ERO1A: variants seen among roughly 807,000 people sequenced by gnomAD.
ERO1A encodes ERO1-like protein alpha.
A neutral mutation model predicts 76.9 loss-of-function variants in ERO1A; 49 were observed. The ratio of observed to expected loss-of-function variants is 0.64; its 90% CI spans 0.51 to 0.81. The LOEUF (loss-of-function observed/expected upper bound fraction) is 0.81, where lower values mean the gene tolerates loss of function less well. ERO1A is among the 30% of genes least tolerant of loss of function. The probability of loss-of-function intolerance (pLI) is 0.00; values close to 1 mark genes in which losing one functional copy is unlikely to be tolerated. For missense variants in ERO1A, 448 were observed against 542.1 expected (o/e 0.83, Z 1.72); for synonymous variants, 174 against 181.2 (o/e 0.96, Z 0.32).
intron 11 of ERO1A, 42 bp from the exon 12 acceptor site, chr14:52,653,357 C>T (rs201280267): frequency 6.7e-7 from 1 of 1,498,410 alleles, no homozygotes; most frequent in Non-Finnish European, 9.0e-7. Flanking sequence ...CTGAATTTGA[C>T]AATTTTTACT....
At position 52,641,959 on chromosome 14, in the gene ERO1A, AGAAGTATACAGCAGTGTAAACT is replaced by A. The variant is rs1277329821; in HGVS notation, c.*1589_*1610del. ...TACCAGGCCTTAGGGACACAGAAGA[AGAAGTATACAGCAGTGTAAACT>A]GACATTTCTTAACCACTATATAAAT... On this transcript the variant is annotated 3_prime_UTR_variant, in exon 16 of 16. Coordinates refer to ENST00000395686, the MANE Select transcript of ERO1A (RefSeq NM_014584.3). The A allele has an allele frequency of 6.6e-6, 1 of 152,238 alleles. No homozygotes were observed. The highest frequency in any genetic ancestry group is 1.5e-5 in the Non-Finnish European group (1 of 68,044). 9.4% of individuals were successfully genotyped at this position (152,238 alleles called of 1,614,324 possible). A position where few individuals can be genotyped will look rare whatever the true frequency, so the allele number is the denominator to read the frequency against.
intron 11 of ERO1A, among the ~76,000 whole-genome samples, chr14:52,657,385 CTCAA>C (rs1020857943): frequency 2.6e-5 from 4 of 152,234 alleles, no homozygotes; most frequent in African/African-American, 9.6e-5. Flanking sequence ...GAGACCCTGT[CTCAA>C]TCAATCAAGC....
chr14:52,672,697 G>C (rs2040643655), intron 4 of ERO1A, among the ~76,000 whole-genome samples: 1 of 148,704 alleles, frequency 6.7e-6, no homozygotes, highest in South Asian at 2.1e-4. Context: ...TTGAGCCCAG[G>C]AGTTCGAGGT....
rs529206929 is a variant in ERO1A, at chr14:52,695,451, G to C, written c.31C>G (p.Leu11Val). The change falls in exon 1 of 16, where the codon CTC becomes GTC. Residue 11 changes from leucine to valine, a missense_variant. Transcript: ENST00000395686. ...CTGAGCAGCCACACGGCGCCCAGGA[G>C]GCCAAACAAGAATCCCCAGCCGCGG... is the stretch of plus-strand genomic sequence containing the variant. MGRGWGFLFG[L>V]LGAVWLLSSG... 3.9e-6 allele frequency: 6 copies of C among 1,546,570 alleles called. No individual in the cohort carries two copies. In the East Asian group the frequency reaches 1.3e-4, roughly 32 times the overall value.
intron 9 of ERO1A, among the ~76,000 whole-genome samples, chr14:52,659,323 A>G (rs1329907213): frequency 2.0e-5 from 3 of 152,196 alleles, no homozygotes; most frequent in East Asian, 3.8e-4. Flanking sequence ...ACATGACTCT[A>G]CCTATCAAGT....
chr14:52,680,753 A>G (rs1427989774), intron 3 of ERO1A, among the ~76,000 whole-genome samples: 1 of 152,236 alleles, frequency 6.6e-6, no homozygotes, highest in African/African-American at 2.4e-5. Context: ...AAGGTGTTTC[A>G]TAAATTAATC....
chr14:52,690,072 C>CA (rs1045842888), intron 1 of ERO1A, among the ~76,000 whole-genome samples: 9 of 151,814 alleles, frequency 5.9e-5, no homozygotes, highest in Non-Finnish European at 1.3e-4. Flanking sequence ...TATCCATGTG[C>CA]AAAAAAATGA....
intron 8 of ERO1A, among the ~76,000 whole-genome samples, chr14:52,661,995 A>G (rs1001288109): frequency 6.6e-6 from 1 of 152,012 alleles, no homozygotes; most frequent in African/African-American, 2.4e-5. Context: ...TTTAGTGAAT[A>G]TCTTTTTAGT....
intron 1 of ERO1A, among the ~76,000 whole-genome samples, chr14:52,690,069 G>A (rs949745461): frequency 2.6e-5 from 4 of 152,118 alleles, no homozygotes; most frequent in African/African-American, 9.7e-5. Context: ...GGATATCCAT[G>A]TGCAAAAAAA....
Position 52,657,958 on chromosome 14 carries a change from G to A in ERO1A, c.767C>T (p.Ala256Val). 1 of 1,612,448 alleles carries A rather than the reference G, an allele frequency of 6.2e-7. No individual in the cohort carries two copies. The highest frequency in any genetic ancestry group is 8.5e-7 in the Non-Finnish European group (1 of 1,179,316). The change falls in exon 11 of 16, where the codon GCA becomes GTA. Residue 256 changes from alanine (A) to valine (V), a missense_variant. Ala to Val is a moderately conservative substitution (Grantham distance 64). Around this residue, in one of 2 missense-constraint regions of ERO1A, gnomAD observed 302 missense variants for 411.9 expected, o/e 0.73. Transcript: ENST00000395686. ...AFYRLISGLH[A>V]SINVHLSARY... ...TGCACTCAAATGCACATTAATGCTT[G>A]CATGTAGGCCAGATATAAGTCTGTA...
At chr14:52,644,555 ATATT>A (rs2039579675) in intron 15 of ERO1A, among the ~76,000 whole-genome samples, 1 of 152,232 alleles carries the variant, frequency 6.6e-6, no homozygotes, top group African/African-American at 2.4e-5. Flanking sequence ...AAATAATACA[ATATT>A]TAGGTATAAG....
chr14:52,640,084 C>T lies in ERO1A; in HGVS notation c.*3486G>A, dbSNP rs1340801469. The T allele has an allele frequency of 2.0e-5, 3 of 152,212 alleles. No individual in the cohort carries two copies. Among genetic ancestry groups the T allele is most frequent in the Non-Finnish European group, 4.4e-5 (3 of 68,050 alleles). 9.4% of individuals were successfully genotyped at this position (152,212 alleles called of 1,614,324 possible). A position where few individuals can be genotyped will look rare whatever the true frequency, so the allele number is the denominator to read the frequency against. On this transcript the variant is annotated 3_prime_UTR_variant, in exon 16 of 16. Transcript: ENST00000395686. ...ATTTATTCAACAAACATTTATTAAA[C>T]ATTCATATGCCAAAAACTATGCTAT...
At chr14:52,679,763 T>G (rs946649200) in intron 3 of ERO1A, among the ~76,000 whole-genome samples, 1 of 152,144 alleles carries the variant, frequency 6.6e-6, no homozygotes, top group Middle Eastern at 3.4e-3. Context: ...AAAAAACAAG[T>G]ATTGCTGCCA....
At chr14:52,693,333 C>G (rs763674184) in intron 1 of ERO1A, among the ~76,000 whole-genome samples, 7 of 152,096 alleles carry the variant, frequency 4.6e-5, no homozygotes, top group South Asian at 2.1e-4. Flanking sequence ...ACTGGCCTAG[C>G]CTTCCAGCCT....
chr14:52,668,793 AT>A (rs1414677577), intron 6 of ERO1A, among the ~76,000 whole-genome samples: 1 of 148,266 alleles, frequency 6.7e-6, no homozygotes, highest in Non-Finnish European at 1.5e-5. Flanking sequence ...TATAATTATA[AT>A]TATACAATTA....
chr14:52,663,698 T>C, intron 8 of ERO1A, 103 bp downstream of exon 8: 1 of 703,502 alleles, frequency 1.4e-6, no homozygotes, highest in South Asian at 1.7e-5. Flanking sequence ...GACTGTGGAT[T>C]ATATGACTTC....
intron 3 of ERO1A, among the ~76,000 whole-genome samples, chr14:52,678,916 T>C (rs2040894738): frequency 6.6e-6 from 1 of 152,216 alleles, no homozygotes; most frequent in South Asian, 2.1e-4. Flanking sequence ...AGATCTCTCA[T>C]GAACCGCTTG....
In ERO1A at chr14:52,682,343, A is replaced by C. The variant is rs778168280; in HGVS notation, c.300T>G (p.Ala100=). The C allele has an allele frequency of 6.2e-7, 1 of 1,610,306 alleles. No homozygotes were observed. ...DISQCGRRDC[A]VKPCQSDEVP... is the part of the protein sequence containing the mutation. ...TTCTTACAGATTGACATGGTTTGAC[A>C]GCACAGTCCCTTCTTCCACACTGGC... Residue 100 remains alanine, a synonymous_variant, in exon 3 of 16, where the codon GCT becomes GCG. Coordinates refer to ENST00000395686, the MANE Select transcript of ERO1A (RefSeq NM_014584.3).
chr14:52,642,121 A>G lies in ERO1A; in HGVS notation c.*1449T>C, dbSNP rs1313978695. The G allele has an allele frequency of 6.6e-6, 1 of 152,340 alleles. No individual in the cohort carries two copies. Among genetic ancestry groups the G allele is most frequent in the East Asian group, 1.9e-4 (1 of 5,186 alleles). The allele number at this position is 152,340 out of a possible 1,614,324, so 9.4% of individuals were successfully genotyped here. ...TCTTTTTCTCTACAATTACCATGTG[A>G]TATAAATTCCTAAACCCCTTCAAAT... On this transcript the variant is annotated 3_prime_UTR_variant, in exon 16 of 16. Coordinates refer to ENST00000395686, the MANE Select transcript of ERO1A (RefSeq NM_014584.3).
Sources: allele counts gnomAD v4.1 joint callset (sites outside exome capture counted in the v4.1 genomes callset), GRCh38; gene constraint gnomAD v4.1.1; regional missense constraint gnomAD v4.1.1; transcripts MANE v1.5; gene names NCBI Gene and HGNC (gene_info 2026-07-23, HGNC 2026-07-21).